The following GFRA1 variants were observed in gnomAD, a reference collection of about 807,000 sequenced individuals.
GFRA1 encodes the protein GDNF family receptor alpha-1.
Under a neutral mutation model 51.6 loss-of-function variants are expected in GFRA1, and 16 were observed. The observed-to-expected ratio is 0.31, with a 90% confidence interval of 0.21 to 0.47. The LOEUF (loss-of-function observed/expected upper bound fraction) is 0.47. GFRA1 is among the 20% of genes least tolerant of loss of function. The pLI is 1.00. For synonymous variants in GFRA1, 270 were observed against 241.3 expected (o/e 1.12, Z -1.10); for missense variants, 530 against 594.3 (o/e 0.89, Z 1.13).
intron 5 of GFRA1, among the ~76,000 whole-genome samples, chr10:116,206,161 C>T (rs1430620839): frequency 6.6e-6 from 1 of 152,122 alleles, no homozygotes; most frequent in Non-Finnish European, 1.5e-5. Context: ...AGTTTGCCAT[C>T]ACATAACAAC....
At chr10:116,218,660 C>G (rs1240351739) in intron 4 of GFRA1, among the ~76,000 whole-genome samples, 1 of 152,108 alleles carries the variant, frequency 6.6e-6, no homozygotes, top group South Asian at 2.1e-4. Flanking sequence ...TATTCATGAC[C>G]CTCCTGCTTC....
chr10:116,168,144 AT>A (rs35559235), intron 5 of GFRA1, among the ~76,000 whole-genome samples: 104,351 of 145,242 alleles, frequency 0.72, 37,347 homozygotes, highest in East Asian at 0.82. Flanking sequence ...AAACCAGGGA[AT>A]TTTTTTTTTT....
Position 116,061,848 on chromosome 10 carries a change from C to T in GFRA1, c.*2550G>A, listed in dbSNP as rs1022356709. On this transcript the variant is annotated 3_prime_UTR_variant, in exon 11 of 11. Coordinates refer to ENST00000355422, the MANE Select transcript of GFRA1 (RefSeq NM_005264.8). Reference sequence around the variant, plus strand: ...GCAAATGATGGTGTTTTAGGGTCACCGTGTCAAACTAAGATCACACTGAAT... The same window carrying T: ...GCAAATGATGGTGTTTTAGGGTCACTGTGTCAAACTAAGATCACACTGAAT... The T allele has an allele frequency of 2.8e-5, 11 of 396,732 alleles. No homozygotes were observed. The highest frequency in any genetic ancestry group is 8.8e-5 in the Admixed American group (2 of 22,666). The allele number at this position is 396,732 out of a possible 1,614,324, so 24.6% of individuals were successfully genotyped here.
At chr10:116,209,075 T>C (rs1431570995) in intron 5 of GFRA1, among the ~76,000 whole-genome samples, 1 of 152,150 alleles carries the variant, frequency 6.6e-6, no homozygotes, top group African/African-American at 2.4e-5. Context: ...TTAACTGTCC[T>C]CAGACTCTGT....
At chr10:116,190,005 G>A (rs61866374) in intron 5 of GFRA1, among the ~76,000 whole-genome samples, 8 of 152,130 alleles carry the variant, frequency 5.3e-5, no homozygotes, top group Non-Finnish European at 1.0e-4. Flanking sequence ...CCCAGGCGAG[G>A]CAGAGAGCGG....
intron 4 of GFRA1, among the ~76,000 whole-genome samples, chr10:116,269,239 GA>G (rs5788147): frequency 0.21 from 30,818 of 147,652 alleles, 3,456 homozygotes; most frequent in East Asian, 0.34. Context: ...TTTTAATGTG[GA>G]AAAAAAAAAA....
intron 9 of GFRA1, among the ~76,000 whole-genome samples, chr10:116,078,752 G>A (rs188451579): frequency 6.6e-6 from 1 of 152,266 alleles, no homozygotes; most frequent in Admixed American, 6.5e-5. Flanking sequence ...GTATCACACA[G>A]AGACGATGAA....
intron 4 of GFRA1, chr10:116,255,739 A>T: frequency 7.8e-7 from 1 of 1,288,850 alleles, no homozygotes; most frequent in African/African-American, 1.5e-5. Flanking sequence ...CCCCTTCTTT[A>T]CATGGCATTG....
At chr10:116,202,737 AC>A (rs1329805266) in intron 5 of GFRA1, among the ~76,000 whole-genome samples, 1 of 152,160 alleles carries the variant, frequency 6.6e-6, no homozygotes, top group Admixed American at 6.5e-5. Flanking sequence ...TATCATGAGA[AC>A]AGCAATGGGG....
chr10:116,113,536 A>G (rs1246169538), intron 6 of GFRA1, among the ~76,000 whole-genome samples: 1 of 152,238 alleles, frequency 6.6e-6, no homozygotes, highest in Non-Finnish European at 1.5e-5. Context: ...ATAAATAAGA[A>G]GTAAAGTCAC....
intron 4 of GFRA1, among the ~76,000 whole-genome samples, chr10:116,253,095 C>T (rs577929242): frequency 3.3e-5 from 5 of 152,342 alleles, no homozygotes; most frequent in Non-Finnish European, 5.9e-5. Context: ...CTACCCAGCA[C>T]GCAGCTGGAT....
intron 5 of GFRA1, among the ~76,000 whole-genome samples, chr10:116,189,090 T>TAAAAAA (rs137887314): frequency 1.8e-5 from 2 of 112,156 alleles, no homozygotes; most frequent in Admixed American, 9.2e-5. Context: ...CCTTGTCTCT[T>TAAAAAA]AAAAAAAAAA....
chr10:116,177,418 A>T (rs1961735199), intron 5 of GFRA1, among the ~76,000 whole-genome samples: 1 of 152,238 alleles, frequency 6.6e-6, no homozygotes, highest in African/African-American at 2.4e-5. Context: ...TATCTGCAAT[A>T]GGAAACACAG....
chr10:116,167,614 T>A (rs1960605426), intron 5 of GFRA1, among the ~76,000 whole-genome samples: 1 of 152,122 alleles, frequency 6.6e-6, no homozygotes, highest in African/African-American at 2.4e-5. Flanking sequence ...ATTAGACTCA[T>A]TTGGCACAAG....
In GFRA1 at chr10:116,062,956, T is replaced by TAACA. The variant is rs1397991742; in HGVS notation, c.*1438_*1441dup. 2.0e-5 allele frequency: 3 copies of TAACA among 152,188 alleles called. No individual in the cohort carries two copies. Among genetic ancestry groups the TAACA allele is most frequent in the Non-Finnish European group, 4.4e-5 (3 of 68,058 alleles). The allele number at this position is 152,188 out of a possible 1,614,324, so 9.4% of individuals were successfully genotyped here. ...TGATCCACAAACCTTCCTTCTCTTCTAACATGGTCTGCAGTCTGTCACGGA... is the reference window on the plus strand; with the variant it reads ...TGATCCACAAACCTTCCTTCTCTTCTAACAAACATGGTCTGCAGTCTGTCACGGA... On this transcript the variant is annotated 3_prime_UTR_variant, in exon 11 of 11. Transcript: ENST00000355422.
At chr10:116,093,141 T>A (rs1956423960) in intron 8 of GFRA1, among the ~76,000 whole-genome samples, 1 of 152,204 alleles carries the variant, frequency 6.6e-6, no homozygotes, top group South Asian at 2.1e-4. Context: ...CCGAGCCTCC[T>A]GCCTGCATCG....
At chr10:116,209,537 A>G (rs1965029853) in intron 5 of GFRA1, among the ~76,000 whole-genome samples, 1 of 151,972 alleles carries the variant, frequency 6.6e-6, no homozygotes, top group Non-Finnish European at 1.5e-5. Flanking sequence ...AGGGCCACTC[A>G]ATGTTGCCAT....
intron 5 of GFRA1, among the ~76,000 whole-genome samples, chr10:116,136,989 G>A (rs1933466825): frequency 6.6e-6 from 1 of 152,158 alleles, no homozygotes; most frequent in Non-Finnish European, 1.5e-5. Context: ...TCCAAAGATG[G>A]TCCAGGAATA....
At chr10:116,236,124 C>T (rs542411382) in intron 4 of GFRA1, among the ~76,000 whole-genome samples, 3 of 152,220 alleles carry the variant, frequency 2.0e-5, no homozygotes, top group South Asian at 2.1e-4. Flanking sequence ...CTTGCTTTGG[C>T]GATTGCTACA....
Sources: allele counts gnomAD v4.1 joint callset (sites outside exome capture counted in the v4.1 genomes callset), GRCh38; gene constraint gnomAD v4.1.1; transcripts MANE v1.5; gene names NCBI Gene and HGNC (gene_info 2026-07-23, HGNC 2026-07-21).